Variants in ERBIN observed in about 807,000 individuals in gnomAD.
ERBIN encodes the protein erbb2 interacting protein.
A neutral mutation model predicts 158.4 loss-of-function variants in ERBIN; 60 were observed. That is an observed-to-expected ratio of 0.38 (90% confidence interval 0.31 to 0.47). The LOEUF (loss-of-function observed/expected upper bound fraction) is 0.47, where lower values mean the gene tolerates loss of function less well. Among genes scored for constraint, ERBIN ranks in the 20% least tolerant of loss-of-function variants. The pLI is 0.99. For missense variants in ERBIN, 1,610 were observed against 1,648.0 expected, an observed-to-expected ratio of 0.98 and a Z score of 0.40; for synonymous variants, 594 against 557.2, an observed-to-expected ratio of 1.07 and a Z score of -0.93.
chr5:66,023,867 C>T (rs1014938724), intron 9 of ERBIN, among the ~76,000 whole-genome samples: 4 of 151,788 alleles, frequency 2.6e-5, no homozygotes, highest in African/African-American at 4.8e-5. Context: ...TTAGTGGAGA[C>T]GGGATTTCAC....
chr5:66,068,733 A>G, intron 21 of ERBIN: 1 of 641,074 alleles, frequency 1.6e-6, no homozygotes, highest in Non-Finnish European at 2.4e-6. Flanking sequence ...AAATGGTTCC[A>G]ATTTCTTTCA....
At chr5:65,953,288 G>A (rs1746732124) in intron 1 of ERBIN, among the ~76,000 whole-genome samples, 1 of 152,220 alleles carries the variant, frequency 6.6e-6, no homozygotes, top group South Asian at 2.1e-4. Flanking sequence ...CTGATCTGGT[G>A]AAAGAGGCTT....
At chr5:65,982,755 A>G (rs145086903) in intron 1 of ERBIN, among the ~76,000 whole-genome samples, 2 of 152,348 alleles carry the variant, frequency 1.3e-5, no homozygotes, top group African/African-American at 4.8e-5. Flanking sequence ...ACCACTTTGT[A>G]AGACAATAGT....
chr5:65,978,106 C>T (rs1750236279), intron 1 of ERBIN, among the ~76,000 whole-genome samples: 1 of 152,178 alleles, frequency 6.6e-6, no homozygotes, highest in African/African-American at 2.4e-5. Flanking sequence ...TCTTTTTGCA[C>T]ACCTTTTATT....
At position 66,053,684 on chromosome 5, in the gene ERBIN, T is replaced by C. The variant is rs758200440; in HGVS notation, c.2366T>C (p.Ile789Thr). 6.2e-7 allele frequency: 1 copy of C among 1,613,934 alleles called. No individual in the cohort carries two copies. Among genetic ancestry groups the C allele is most frequent in the Non-Finnish European group, 8.5e-7 (1 of 1,179,954 alleles). Residue 789 changes from isoleucine to threonine, a missense_variant, in exon 21 of 26, where the codon ATT becomes ACT. Physicochemically the swap from Ile to Thr is moderately conservative, Grantham distance 89 (BLOSUM62 -1). Transcript: ENST00000284037. The part of the protein sequence containing the change: ...EIMERSKTQD[I>T]VLGTSFLSIN... ...ATGGAAAGATCAAAAACACAGGATATTGTGCTTGGAACAAGCTTTTTAAGC... is the reference window on the plus strand; with the variant it reads ...ATGGAAAGATCAAAAACACAGGATACTGTGCTTGGAACAAGCTTTTTAAGC...
chr5:65,928,207 A>AT (rs1012221862), intron 1 of ERBIN, among the ~76,000 whole-genome samples: 22 of 145,082 alleles, frequency 1.5e-4, no homozygotes, highest in Admixed American at 2.1e-4. Flanking sequence ...TGTAGTTTTG[A>AT]TTTTTTTTTT....
chr5:66,060,159 A>G (rs573003377), intron 21 of ERBIN, among the ~76,000 whole-genome samples: 1 of 152,268 alleles, frequency 6.6e-6, no homozygotes, highest in East Asian at 1.9e-4. Context: ...CTGTGAATCC[A>G]TGTGGTCCTG....
intron 21 of ERBIN, among the ~76,000 whole-genome samples, chr5:66,067,701 A>G (rs1761129851): frequency 6.6e-6 from 1 of 152,156 alleles, no homozygotes; most frequent in Admixed American, 6.5e-5. Context: ...TGAATGGGGA[A>G]AATTTGCCAC....
At chr5:65,945,355 T>G (rs999087613) in intron 1 of ERBIN, among the ~76,000 whole-genome samples, 4 of 152,238 alleles carry the variant, frequency 2.6e-5, no homozygotes, top group African/African-American at 9.6e-5. Flanking sequence ...TTCATTAGTT[T>G]CTATAGTAGT....
chr5:66,043,603 T>C (rs1049797526), intron 16 of ERBIN, among the ~76,000 whole-genome samples: 8 of 152,152 alleles, frequency 5.3e-5, no homozygotes, highest in Non-Finnish European at 1.0e-4. Flanking sequence ...AAGAACTCTT[T>C]GTTATGAACA....
At chr5:66,049,470 GCTTAGGTA>G (rs1049174170) in intron 19 of ERBIN, among the ~76,000 whole-genome samples, 7 of 152,160 alleles carry the variant, frequency 4.6e-5, no homozygotes, top group African/African-American at 1.7e-4. Flanking sequence ...AGCACTAATT[GCTTAGGTA>G]CTATACTAAA....
intron 1 of ERBIN, among the ~76,000 whole-genome samples, chr5:65,946,119 C>G (rs1275108572): frequency 6.6e-6 from 1 of 152,074 alleles, no homozygotes; most frequent in Non-Finnish European, 1.5e-5. Context: ...AATCCCAGCA[C>G]TTTGGGAGGC....
intron 15 of ERBIN, among the ~76,000 whole-genome samples, 154 bp downstream of exon 15, chr5:66,038,636 C>G (rs114907709): frequency 6.6e-6 from 1 of 151,972 alleles, no homozygotes; most frequent in African/African-American, 2.4e-5. Context: ...AAATAGGGCA[C>G]GATTTCAGGG....
intron 21 of ERBIN, chr5:66,069,081 G>T: frequency 7.3e-7 from 1 of 1,368,196 alleles, no homozygotes; most frequent in East Asian, 2.7e-5. Context: ...CAAATTTTAA[G>T]TGTTTTAATG....
intron 4 of ERBIN, among the ~76,000 whole-genome samples, chr5:66,005,741 C>T (rs1012300403): frequency 6.6e-6 from 1 of 152,198 alleles, no homozygotes; most frequent in African/African-American, 2.4e-5. Context: ...CACAGGCATT[C>T]TTATACACCA....
chr5:65,957,508 C>CGG (rs1561294339), intron 1 of ERBIN, among the ~76,000 whole-genome samples: 7 of 151,996 alleles, frequency 4.6e-5, no homozygotes, highest in African/African-American at 1.7e-4. Context: ...AGACACAGCA[C>CGG]GTTTCAGAGA....
chr5:66,006,240 A>T (rs1460165658), intron 4 of ERBIN, among the ~76,000 whole-genome samples: 1 of 152,210 alleles, frequency 6.6e-6, no homozygotes, highest in Non-Finnish European at 1.5e-5. Flanking sequence ...ATAATGCCAC[A>T]TACCTACAAC....
In ERBIN at chr5:65,939,525, T is replaced by TCCCTCTCCC. The variant is rs992129458; in HGVS notation, c.-58+12729_-58+12737dup. ...TCCGCTCTCCCTCTCCCTCTCCCTT[T>TCCCTCTCCC]CCCTCTCCCCCCTCTCCCTCTCCCC... On this transcript the variant is annotated intron_variant, in intron 1 of 25. Transcript: ENST00000284037. Among the ~76,000 whole-genome samples the TCCCTCTCCC allele has an allele frequency of 5.7e-5, 8 of 139,786 alleles. 1 individual carries two copies. Among genetic ancestry groups the TCCCTCTCCC allele is most frequent in the Admixed American group, 2.7e-4 (4 of 14,832 alleles). The allele number at this position is 139,786 out of a possible 152,430, so 91.7% of individuals were successfully genotyped here.
rs1261073879 is a variant in ERBIN, at chr5:66,079,181, T to C, written c.*651T>C. On this transcript the variant is annotated 3_prime_UTR_variant, in exon 26 of 26. Transcript: ENST00000284037. ...ATTAGGAGAATAATGCAATAAAATA[T>C]GTAATGTCTTTTTTATAAAGCAAAA... 1 of 152,688 alleles carries C rather than the reference T, an allele frequency of 6.5e-6. No individual in the cohort carries two copies. The highest frequency in any genetic ancestry group is 1.5e-5 in the Non-Finnish European group (1 of 68,054). 9.5% of individuals were successfully genotyped at this position (152,688 alleles called of 1,614,324 possible).
Sources: allele counts gnomAD v4.1 joint callset (sites outside exome capture counted in the v4.1 genomes callset), GRCh38; gene constraint gnomAD v4.1.1; transcripts MANE v1.5; gene names NCBI Gene and HGNC (gene_info 2026-07-23, HGNC 2026-07-21).